Variants in KIF27 observed in about 807,000 individuals in gnomAD.
KIF27 encodes kinesin-like protein KIF27.
KIF27 carries 84 observed loss-of-function variants against 141.8 expected under a neutral mutation model. That is an observed-to-expected ratio of 0.59 (90% CI 0.50 to 0.71). KIF27 has a LOEUF of 0.71. KIF27 is among the 30% of genes least tolerant of loss of function. The pLI is 0.00. For missense variants in KIF27, 1,306 were observed against 1,628.4 expected (o/e 0.80, Z 3.41); for synonymous variants, 471 against 569.5 (o/e 0.83, Z 2.46).
intron 2 of KIF27, among the ~76,000 whole-genome samples, chr9:83,910,448 C>CTT (rs775471239): frequency 2.0e-5 from 3 of 152,210 alleles, no homozygotes; most frequent in South Asian, 4.1e-4. Flanking sequence ...GGCAAGAATG[C>CTT]TTTTTAAAAA....
intron 5 of KIF27, chr9:83,898,620 T>C (rs1327789198): frequency 3.3e-5 from 5 of 152,210 alleles, no homozygotes; most frequent in Admixed American, 1.3e-4. Context: ...TTAATATGCA[T>C]TGTTTTGTAT....
At position 83,834,600 on chromosome 9, in the gene KIF27, T is replaced by C. The variant is rs950556152; in HGVS notation, c.*2401A>G. Among the ~76,000 whole-genome samples, 1 of 152,012 alleles carries C rather than the reference T, an allele frequency of 6.6e-6. No individual in the cohort carries two copies. The highest frequency in any genetic ancestry group is 1.5e-5 in the Non-Finnish European group (1 of 67,918). ...CACAGGTAAAACAAGTATGTGTTAA[T>C]TTCTTGAGCAAGTAGGATTCCAGTA... On this transcript the variant is annotated 3_prime_UTR_variant, in exon 18 of 18. Coordinates refer to ENST00000297814, the MANE Select transcript of KIF27 (RefSeq NM_017576.4).
chr9:83,916,662 C>CTT (rs34391682), intron 1 of KIF27, among the ~76,000 whole-genome samples: 12 of 123,006 alleles, frequency 9.8e-5, no homozygotes, highest in East Asian at 6.9e-4. Flanking sequence ...ACAATGAACA[C>CTT]TTTTTTTTTT....
chr9:83,879,335 T>G (rs1479014468), intron 11 of KIF27, among the ~76,000 whole-genome samples: 3 of 151,488 alleles, frequency 2.0e-5, no homozygotes, highest in Non-Finnish European at 4.4e-5. Context: ...TTTTTTAAGG[T>G]CGGAAAATAG....
At chr9:83,842,910 C>A (rs1258442192) in intron 16 of KIF27, among the ~76,000 whole-genome samples, 4 of 152,040 alleles carry the variant, frequency 2.6e-5, no homozygotes, top group Admixed American at 2.0e-4. Flanking sequence ...GATTGAGAGC[C>A]CTTAGTCACC....
At chr9:83,917,486 A>G (rs571163217) in intron 1 of KIF27, among the ~76,000 whole-genome samples, 4 of 152,218 alleles carry the variant, frequency 2.6e-5, no homozygotes, top group African/African-American at 7.2e-5. Context: ...AGAAAAACTC[A>G]AGAGACAGAG....
intron 12 of KIF27, among the ~76,000 whole-genome samples, chr9:83,869,349 T>C (rs1950593061): frequency 6.6e-6 from 1 of 152,168 alleles, no homozygotes; most frequent in Non-Finnish European, 1.5e-5. Flanking sequence ...GACTTTCTTT[T>C]TAAAAGGTGG....
In KIF27 at chr9:83,850,250, T is replaced by C. The variant is rs367821267; in HGVS notation, c.3405A>G (p.Glu1135=). 1.3e-5 allele frequency: 21 copies of C among 1,613,796 alleles called. No individual in the cohort carries two copies. The African/African-American group carries it at 2.0e-4, about 15-fold the overall frequency. ...EAERKQQLYN[E]EMKMKVLERD... The stretch of plus-strand genomic sequence containing the variant: ...GTTCCAGAACTTTCATTTTCATTTC[T>C]TCATTATATAACTGTTGTTTCCGTT... The change falls in exon 16 of 18, where the codon GAA becomes GAG. Residue 1135 remains glutamate, a synonymous_variant. Coordinates refer to ENST00000297814, the MANE Select transcript of KIF27 (RefSeq NM_017576.4).
intron 10 of KIF27, among the ~76,000 whole-genome samples, chr9:83,882,307 G>A (rs1951741349): frequency 6.6e-6 from 1 of 151,914 alleles, no homozygotes; most frequent in African/African-American, 2.4e-5. Context: ...AACTGCAGTG[G>A]GCTGAGATCA....
chr9:83,880,128 AG>A, intron 11 of KIF27, 168 bp downstream of exon 11: 3 of 918,900 alleles, frequency 3.3e-6, no homozygotes, highest in Non-Finnish European at 4.8e-6. Context: ...TTCAATAAGT[AG>A]GTTTTACTAC....
chr9:83,904,821 T>C (rs1954329624), intron 3 of KIF27, among the ~76,000 whole-genome samples: 1 of 152,048 alleles, frequency 6.6e-6, no homozygotes, highest in Non-Finnish European at 1.5e-5. Flanking sequence ...TGTTTTTTGG[T>C]ATCGTGAGGT....
At chr9:83,863,734 T>C (rs7849708) in intron 13 of KIF27, 20,348 of 152,212 alleles carry the variant, frequency 0.13, 1,445 homozygotes, top group African/African-American at 0.14. Flanking sequence ...TTGATTGGAA[T>C]AGGTTCAGAA....
chr9:83,917,163 T>A (rs1227354498), intron 1 of KIF27, among the ~76,000 whole-genome samples: 1 of 150,888 alleles, frequency 6.6e-6, no homozygotes, highest in East Asian at 2.0e-4. Context: ...CCCCAATGTG[T>A]GATGTTCCCC....
Position 83,848,144 on chromosome 9 carries a change from ATC to A in KIF27, c.3556+1953_3556+1954del, listed in dbSNP as rs1184155929. Among the ~76,000 whole-genome samples the A allele has an allele frequency of 4.2e-5, 3 of 70,908 alleles. 1 individual carries two copies. Among genetic ancestry groups the A allele is most frequent in the African/African-American group, 2.6e-4 (3 of 11,662 alleles). The allele number at this position is 70,908 out of a possible 152,430, so 46.5% of individuals were successfully genotyped here. Reference sequence around the variant, plus strand: ...ATATCTGATATCTCATATATGATATATCTGATATATCATATATGATATATCTG... The same window carrying A: ...ATATCTGATATCTCATATATGATATATGATATATCATATATGATATATCTG... On this transcript the variant is annotated intron_variant, in intron 16 of 17. Transcript: ENST00000297814.
At chr9:83,847,374 C>T (rs1947425219) in intron 16 of KIF27, among the ~76,000 whole-genome samples, 1 of 152,146 alleles carries the variant, frequency 6.6e-6, no homozygotes, top group South Asian at 2.1e-4. Flanking sequence ...TTATTGACTT[C>T]ACATCAGCAT....
chr9:83,899,182 T>C (rs953127378), intron 5 of KIF27, among the ~76,000 whole-genome samples: 6 of 152,104 alleles, frequency 3.9e-5, no homozygotes, highest in African/African-American at 1.4e-4. Flanking sequence ...TGTAGAGGCA[T>C]ACTATGTTAT....
chr9:83,856,486 T>C (rs1290808361), intron 14 of KIF27, among the ~76,000 whole-genome samples: 1 of 151,876 alleles, frequency 6.6e-6, no homozygotes, highest in Non-Finnish European at 1.5e-5. Flanking sequence ...CTCACACCTG[T>C]AATCCCAGCA....
intron 2 of KIF27, among the ~76,000 whole-genome samples, chr9:83,914,473 T>G (rs911881199): frequency 8.5e-5 from 13 of 152,118 alleles, no homozygotes; most frequent in African/African-American, 3.1e-4. Context: ...GAGAAGTTTC[T>G]TTTTTAAAAT....
intron 7 of KIF27, among the ~76,000 whole-genome samples, chr9:83,888,813 AT>A (rs1323495778): frequency 5.4e-5 from 7 of 129,248 alleles, no homozygotes; most frequent in Non-Finnish European, 9.9e-5. Flanking sequence ...GAATAAGGAA[AT>A]CCAAAAAAAA....
Sources: allele counts gnomAD v4.1 joint callset (sites outside exome capture counted in the v4.1 genomes callset), GRCh38; gene constraint gnomAD v4.1.1; transcripts MANE v1.5; gene names NCBI Gene and HGNC (gene_info 2026-07-23, HGNC 2026-07-21).